Variants in ILRUN observed in about 807,000 individuals in gnomAD.
ILRUN encodes inflammation and lipid regulator with UBA-like and NBR1-like domains.
ILRUN carries 3 observed loss-of-function variants against 33.8 expected under a neutral mutation model. The ratio of observed to expected loss-of-function variants is 0.09; its 90% CI spans 0.04 to 0.23. The LOEUF (loss-of-function observed/expected upper bound fraction) is 0.23, where lower values mean the gene tolerates loss of function less well. Ranked by LOEUF, ILRUN falls within the 10% of genes least tolerant of loss-of-function variation. The probability of loss-of-function intolerance (pLI) is 1.00; values close to 1 mark genes in which losing one functional copy is unlikely to be tolerated. For missense variants in ILRUN, 210 were observed against 375.1 expected (o/e 0.56, Z 3.64); for synonymous variants, 124 against 138.9 (o/e 0.89, Z 0.75).
At position 34,596,041 on chromosome 6, in the gene ILRUN, C is replaced by T. The variant is rs372142436; in HGVS notation, c.862-5441G>A. ...TGTGTGGTGAGGCCCTGCTCACAGG[C>T]CTGGCCTGGCTGGCAGGGGCCAGAA... is the stretch of plus-strand genomic sequence containing the variant. On this transcript the variant is annotated intron_variant, in intron 4 of 4. Transcript: ENST00000374023. The T allele has an allele frequency of 9.4e-6, 6 of 637,022 alleles. No homozygotes were observed. The Admixed American group carries it at 2.5e-4, about 27-fold the overall frequency. 39.5% of individuals were successfully genotyped at this position (637,022 alleles called of 1,614,324 possible). A position where few individuals can be genotyped will look rare whatever the true frequency, so the allele number is the denominator to read the frequency against.
Position 34,592,470 on chromosome 6 carries a change from TG to T in ILRUN, c.862-1871del, listed in dbSNP as rs1481173662. On this transcript the variant is annotated intron_variant, in intron 4 of 4. Transcript: ENST00000374023. The surrounding 1 kb of genome is among the most constrained non-coding windows in gnomAD (Gnocchi z 4.0). ...TCCACCCACTCAAGCAAGTGTGCAC[TG>T]GGGCAGCAAAGGGCTCTCAGATTCC... Among the ~76,000 whole-genome samples, 2 of 152,240 alleles carry T rather than the reference TG, an allele frequency of 1.3e-5. No individual in the cohort carries two copies. The highest frequency in any genetic ancestry group is 4.8e-5 in the African/African-American group (2 of 41,468).
At chr6:34,640,143 G>A (rs915737066) in intron 3 of ILRUN, among the ~76,000 whole-genome samples, 1 of 152,166 alleles carries the variant, frequency 6.6e-6, no homozygotes, top group Non-Finnish European at 1.5e-5. Flanking sequence ...CTAGAAATTT[G>A]TGTGGTGGGG....
At position 34,673,793 on chromosome 6, in the gene ILRUN, T is replaced by A. The variant is rs1763166391; in HGVS notation, c.159-19014A>T. 2.0e-5 allele frequency among the ~76,000 whole-genome samples: 3 copies of A among 150,344 alleles called. No individual in the cohort carries two copies. The South Asian group carries it at 6.3e-4, about 31-fold the overall frequency. On this transcript the variant is annotated intron_variant, in intron 1 of 4. Coordinates refer to ENST00000374023, the MANE Select transcript of ILRUN (RefSeq NM_024294.4). ...AGTGAGCTGTGATCATGCCGCTGGG[T>A]GACAGAGAGATCCTGTCTCAAAAAC...
chr6:34,664,410 T>C (rs1465423418), intron 1 of ILRUN, among the ~76,000 whole-genome samples: 1 of 151,918 alleles, frequency 6.6e-6, no homozygotes, highest in African/African-American at 2.4e-5. Flanking sequence ...GGTTCAAGGG[T>C]TCCTCTTGCC....
At chr6:34,670,317 C>T (rs1161949472) in intron 1 of ILRUN, among the ~76,000 whole-genome samples, 4 of 152,160 alleles carry the variant, frequency 2.6e-5, no homozygotes, top group African/African-American at 9.6e-5. Context: ...ACTGGAGTAA[C>T]GAAAGTGTTC....
At chr6:34,631,819 A>G (rs1762252354) in intron 3 of ILRUN, among the ~76,000 whole-genome samples, 1 of 152,186 alleles carries the variant, frequency 6.6e-6, no homozygotes, top group Non-Finnish European at 1.5e-5. Flanking sequence ...TCAAATACAG[A>G]TAATGGTTGC....
intron 2 of ILRUN, among the ~76,000 whole-genome samples, chr6:34,653,214 G>A (rs1396626750): frequency 6.6e-6 from 1 of 150,970 alleles, no homozygotes; most frequent in African/African-American, 2.4e-5. Context: ...AAGAACTATG[G>A]TTAATTTATT....
rs539791231 is a variant in ILRUN, at chr6:34,676,483, G to GATA, written c.158+19962_158+19963insTAT. 9.8e-3 allele frequency among the ~76,000 whole-genome samples: 1,477 copies of GATA among 150,108 alleles called. 49 individuals carry two copies. Among genetic ancestry groups the GATA allele is most frequent in the African/African-American group, 0.032 (1,306 of 40,544 alleles). On this transcript the variant is annotated intron_variant, in intron 1 of 4. Coordinates refer to ENST00000374023, the MANE Select transcript of ILRUN (RefSeq NM_024294.4). The stretch of plus-strand genomic sequence containing the variant: ...AGCTAGCTAGCTAGCTAGCTAGATA[G>GATA]GTAGATATGCAAAGATAGAGAGAGA...
chr6:34,608,253 G>A (rs1462507545), intron 3 of ILRUN, among the ~76,000 whole-genome samples: 1 of 152,000 alleles, frequency 6.6e-6, no homozygotes, highest in African/African-American at 2.4e-5. Context: ...AACTAGCTGG[G>A]CATAGTGGCG....
chr6:34,651,995 T>G (rs1430604909), intron 2 of ILRUN, among the ~76,000 whole-genome samples: 1 of 152,058 alleles, frequency 6.6e-6, no homozygotes, highest in Non-Finnish European at 1.5e-5. Context: ...TTTTGCCATG[T>G]TGGCCAGGCT....
chr6:34,603,240 C>G (rs556107483), intron 4 of ILRUN, among the ~76,000 whole-genome samples: 2 of 152,202 alleles, frequency 1.3e-5, no homozygotes, highest in Non-Finnish European at 2.9e-5. Context: ...GAGCCGGGCA[C>G]GGTGGCTCAC....
At chr6:34,590,749 G>A (rs981039471) in intron 4 of ILRUN, 149 bp from the exon 5 acceptor site, 33 of 626,842 alleles carry the variant, frequency 5.3e-5, no homozygotes, top group African/African-American at 4.9e-4. Flanking sequence ...ACAAAACCTC[G>A]GCAGGCCAAA....
intron 1 of ILRUN, among the ~76,000 whole-genome samples, chr6:34,658,027 G>A (rs1762810584): frequency 6.6e-6 from 1 of 152,146 alleles, no homozygotes; most frequent in Non-Finnish European, 1.5e-5. Context: ...CAGAGGCAAC[G>A]TTAACAGTGA....
intron 1 of ILRUN, among the ~76,000 whole-genome samples, chr6:34,683,496 A>ACATATATATG (rs1763444279): frequency 9.6e-6 from 1 of 103,786 alleles, no homozygotes; most frequent in East Asian, 3.0e-4. Context: ...ACATATATAT[A>ACATATATATG]TACATATATA....
At chr6:34,630,689 G>C (rs972493639) in intron 3 of ILRUN, among the ~76,000 whole-genome samples, 2 of 152,070 alleles carry the variant, frequency 1.3e-5, no homozygotes, top group Non-Finnish European at 2.9e-5. Context: ...CCCTGGGTTT[G>C]TTTTTTTAAG....
chr6:34,659,469 C>G (rs1282296885), intron 1 of ILRUN, among the ~76,000 whole-genome samples: 1 of 152,050 alleles, frequency 6.6e-6, no homozygotes, highest in Admixed American at 6.6e-5. Flanking sequence ...CTCTGAACAT[C>G]TGATTTTCTT....
chr6:34,641,223 G>A (rs1036613597), intron 3 of ILRUN, among the ~76,000 whole-genome samples: 3 of 152,134 alleles, frequency 2.0e-5, no homozygotes, highest in Non-Finnish European at 4.4e-5. Flanking sequence ...CTAGGCAACA[G>A]AGTCCCACAG....
At chr6:34,680,079 C>A (rs143238164) in intron 1 of ILRUN, among the ~76,000 whole-genome samples, 1 of 152,368 alleles carries the variant, frequency 6.6e-6, no homozygotes, top group East Asian at 1.9e-4. Flanking sequence ...GAAACTTATA[C>A]AATGTGTGAA....
At chr6:34,602,765 A>G (rs1201641327) in intron 4 of ILRUN, among the ~76,000 whole-genome samples, 1 of 152,194 alleles carries the variant, frequency 6.6e-6, no homozygotes, top group African/African-American at 2.4e-5. Flanking sequence ...GAGTCAGCAT[A>G]TATTTACTTT....
Sources: allele counts gnomAD v4.1 joint callset (sites outside exome capture counted in the v4.1 genomes callset), GRCh38; gene constraint gnomAD v4.1.1; non-coding constraint Gnocchi (gnomAD v3.1); transcripts MANE v1.5; gene names NCBI Gene and HGNC (gene_info 2026-07-23, HGNC 2026-07-21).